FCN1: variants seen among roughly 807,000 people sequenced by gnomAD.
FCN1 encodes ficolin 1.
Under a neutral mutation model 35.6 loss-of-function variants are expected in FCN1, and 42 were observed. The ratio of observed to expected loss-of-function variants is 1.18; its 90% CI spans 0.92 to 1.53. The LOEUF is 1.53. FCN1 is among the 40% of genes most tolerant of loss of function. The pLI is 0.00. For synonymous variants in FCN1, 179 were observed against 169.8 expected (o/e 1.05, Z -0.42); for missense variants, 439 against 428.4 (o/e 1.02, Z -0.22).
At chr9:134,916,619 C>A (rs1236749224) in intron 1 of FCN1, among the ~76,000 whole-genome samples, 158 bp from the exon 2 acceptor site, 1 of 152,220 alleles carries the variant, frequency 6.6e-6, no homozygotes, top group Non-Finnish European at 1.5e-5. Flanking sequence ...GAGGCCACCC[C>A]GACCTAGGGG....
chr9:134,917,422 A>AT (rs761610675), intron 1 of FCN1, among the ~76,000 whole-genome samples: 3 of 152,160 alleles, frequency 2.0e-5, no homozygotes, highest in Admixed American at 6.5e-5. Flanking sequence ...CAGCCACCGT[A>AT]TTAGAGGGTC....
intron 8 of FCN1, 72 bp from the exon 9 acceptor site, chr9:134,910,117 TGC>T: frequency 7.2e-7 from 1 of 1,398,402 alleles, no homozygotes; most frequent in South Asian, 1.2e-5. Context: ...CACCACATCC[TGC>T]CTCTGAGCAG....
At position 134,913,604 on chromosome 9, in the gene FCN1, C is replaced by A; in HGVS notation, c.317G>T (p.Gly106Val). 6.2e-7 allele frequency: 1 copy of A among 1,606,798 alleles called. No individual in the cohort carries two copies. The highest frequency in any genetic ancestry group is 8.5e-7 in the Non-Finnish European group (1 of 1,175,758). Residue 106 changes from glycine to valine, a missense_variant, in exon 5 of 9, where the codon GGG becomes GTG. By Grantham distance (109) the Gly-to-Val change is moderately radical (BLOSUM62 -3). Coordinates refer to ENST00000371806, the MANE Select transcript of FCN1 (RefSeq NM_002003.5). Reference protein sequence around the residue: ...KGMRGEKGDAGQSQSCATGPR... With the variant: ...KGMRGEKGDAVQSQSCATGPR... ...ACCTGTCGCACACGACTGAGACTGC[C>A]CAGCGTCTCCTGTGTGGGGAGAGGA...
intron 6 of FCN1, 135 bp downstream of exon 6, chr9:134,912,881 G>A (rs1284414125): frequency 5.6e-6 from 8 of 1,425,332 alleles, no homozygotes; most frequent in African/African-American, 1.4e-5. Context: ...TTTTACCCAC[G>A]GGTCACTTCC....
rs1232451523 is a variant in FCN1, at chr9:134,911,232, C to T, written c.634G>A (p.Glu212Lys). The part of the protein sequence containing the change: ...SELRVDLVDF[E>K]GNHQFAKYKS... ...TACTTAGCAAACTGGTGGTTGCCCT[C>T]AAAGTCCACCAGGTCTACACGGAGC... Residue 212 changes from glutamate (E) to lysine (K), a missense_variant, in exon 8 of 9, where the codon GAG (glutamate) becomes AAG (lysine). Coordinates refer to ENST00000371806, the MANE Select transcript of FCN1 (RefSeq NM_002003.5). 2 of 1,612,200 alleles carry T rather than the reference C, an allele frequency of 1.2e-6. No individual in the cohort carries two copies. The highest frequency in any genetic ancestry group is 1.7e-6 in the Non-Finnish European group (2 of 1,179,376).
Position 134,909,435 on chromosome 9 carries a change from C to G in FCN1, c.*363G>C. On this transcript the variant is annotated 3_prime_UTR_variant, in exon 9 of 9. Transcript: ENST00000371806. ...AAAATCCTCGCAAAAGTCACTCAAC[C>G]TCCCTGAACATCGGTAGTGCCATCT... is the stretch of plus-strand genomic sequence containing the variant. 7.7e-7 allele frequency: 1 copy of G among 1,291,566 alleles called. No individual in the cohort carries two copies. Among genetic ancestry groups the G allele is most frequent in the Non-Finnish European group, 1.0e-6 (1 of 989,058 alleles). 80.0% of individuals were successfully genotyped at this position (1,291,566 alleles called of 1,614,324 possible).
intron 4 of FCN1, 45 bp downstream of exon 4, chr9:134,914,340 G>T: frequency 6.3e-7 from 1 of 1,592,472 alleles, no homozygotes; most frequent in Non-Finnish European, 8.6e-7. Context: ...CCCTCCCCTG[G>T]ACAAAGCCTG....
intron 1 of FCN1, 109 bp from the exon 2 acceptor site, chr9:134,916,570 T>G (rs1831095310): frequency 8.7e-7 from 1 of 1,145,060 alleles, no homozygotes; most frequent in East Asian, 2.4e-5. Context: ...CAGGCACTGG[T>G]GAGGCGGAGA....
At position 134,909,980 on chromosome 9, in the gene FCN1, A is replaced by C; in HGVS notation, c.799T>G (p.Ser267Ala). The C allele has an allele frequency of 6.2e-7, 1 of 1,614,154 alleles. No individual in the cohort carries two copies. Among genetic ancestry groups the C allele is most frequent in the Non-Finnish European group, 8.5e-7 (1 of 1,180,020 alleles). ...TGGAACTTCTCAGCACAATTCGAAG[A>C]ACTCACATCATTGTCTTGGTCTTTG... ...STKDQDNDVS[S>A]SNCAEKFQGA... Residue 267 changes from serine (S) to alanine (A), a missense_variant, in exon 9 of 9, where the codon TCT becomes GCT. Physicochemically the swap from Ser to Ala is moderately conservative, Grantham distance 99 (BLOSUM62 1). Transcript: ENST00000371806.
rs751147344 is a variant in FCN1 at position 134,911,163 on chromosome 9, C to A, written c.703G>T (p.Val235Leu). 6.2e-7 allele frequency: 1 copy of A among 1,614,146 alleles called. No individual in the cohort carries two copies. The highest frequency in any genetic ancestry group is 8.5e-7 in the Non-Finnish European group (1 of 1,180,018). The change falls in exon 8 of 9, where the codon GTA becomes TTA. Residue 235 changes from valine to leucine, a missense_variant. By Grantham distance (32) the Val-to-Leu change is conservative. Coordinates refer to ENST00000371806, the MANE Select transcript of FCN1 (RefSeq NM_002003.5). ...VADEAEKYKL[V>L]LGAFVGGSAG... Reference sequence around the variant, plus strand: ...CTGCCCCCGACAAAGGCTCCCAGTACCAGCTTGTACTTCTCTGCCTCGTCA... The same window carrying A: ...CTGCCCCCGACAAAGGCTCCCAGTAACAGCTTGTACTTCTCTGCCTCGTCA...
rs1830971672 is a variant in FCN1 at position 134,907,713 on chromosome 9, C to G, written c.*2085G>C. 2 of 152,274 alleles carry G rather than the reference C, an allele frequency of 1.3e-5. No individual in the cohort carries two copies. The allele number at this position is 152,274 out of a possible 1,614,324, so 9.4% of individuals were successfully genotyped here. A position where few individuals can be genotyped will look rare whatever the true frequency, so the allele number is the denominator to read the frequency against. On this transcript the variant is annotated 3_prime_UTR_variant, in exon 9 of 9. Transcript: ENST00000371806. Reference sequence around the variant, plus strand: ...CAATGGAATCCATAGCACATACCCTCTTGAACAGGCTCCTTTTGCTGCCAT... The same window carrying G: ...CAATGGAATCCATAGCACATACCCTGTTGAACAGGCTCCTTTTGCTGCCAT...
chr9:134,915,213 G>T (rs77198013), intron 2 of FCN1, among the ~76,000 whole-genome samples: 8,231 of 152,224 alleles, frequency 0.054, 262 homozygotes, highest in South Asian at 0.12. Context: ...CACGGAGAGG[G>T]TGGGCGCCAC....
At chr9:134,910,117 T>C in intron 8 of FCN1, 72 bp from the exon 9 acceptor site, 2 of 1,398,400 alleles carry the variant, frequency 1.4e-6, no homozygotes, top group Non-Finnish European at 2.0e-6. Context: ...CACCACATCC[T>C]GCCTCTGAGC....
chr9:134,908,940 G>GA lies in FCN1; in HGVS notation c.*857dup. 3.7e-6 allele frequency: 1 copy of GA among 269,426 alleles called. No individual in the cohort carries two copies. Among genetic ancestry groups the GA allele is most frequent in the Non-Finnish European group, 7.3e-6 (1 of 136,610 alleles). 16.7% of individuals were successfully genotyped at this position (269,426 alleles called of 1,614,324 possible). ...TCCCTTAGTGTCCTTCGGTAAGTGG[G>GA]AGCTCTTGATTTGAATGGAGTCACA... On this transcript the variant is annotated 3_prime_UTR_variant, in exon 9 of 9. Coordinates refer to ENST00000371806, the MANE Select transcript of FCN1 (RefSeq NM_002003.5).
intron 3 of FCN1, among the ~76,000 whole-genome samples, 164 bp downstream of exon 3, chr9:134,914,592 T>C (rs1267394806): frequency 6.6e-6 from 1 of 152,092 alleles, no homozygotes; most frequent in Non-Finnish European, 1.5e-5. Flanking sequence ...AGGCCTGGAA[T>C]ATCCCAGGGT....
intron 8 of FCN1, 103 bp from the exon 9 acceptor site, chr9:134,910,148 G>A (rs983012563): frequency 3.6e-6 from 4 of 1,097,000 alleles, no homozygotes; most frequent in Middle Eastern, 2.0e-4. Context: ...TCACTTTAGC[G>A]ACGCATGAGC....
At position 134,913,086 on chromosome 9, in the gene FCN1, G is replaced by A. The variant is rs1831045633; in HGVS notation, c.398C>T (p.Thr133Ile). Residue 133 changes from threonine to isoleucine, a missense_variant, in exon 6 of 9, where the codon ACC (threonine) becomes ATC (isoleucine). Thr to Ile is a moderately conservative substitution (Grantham distance 89). Coordinates refer to ENST00000371806, the MANE Select transcript of FCN1 (RefSeq NM_002003.5). Reference sequence around the variant, plus strand: ...GGGCCGGCAGTCGGGCAGGTAGATGGTGTGCCAGCCGCTCAGGAAATACCC... The same window carrying A: ...GGGCCGGCAGTCGGGCAGGTAGATGATGTGCCAGCCGCTCAGGAAATACCC... ...DRGYFLSGWH[T>I]IYLPDCRPLT... The A allele has an allele frequency of 1.2e-6, 2 of 1,613,636 alleles. No individual in the cohort carries two copies. The highest frequency in any genetic ancestry group is 1.1e-5 in the South Asian group (1 of 90,994).
At chr9:134,911,398 G>A (rs1345157385) in intron 7 of FCN1, 131 bp from the exon 8 acceptor site, 1 of 752,714 alleles carries the variant, frequency 1.3e-6, no homozygotes, top group African/African-American at 1.8e-5. Flanking sequence ...AGGCTGGAGT[G>A]CAATGGCACC....
Position 134,913,124 on chromosome 9 carries a change from G to T in FCN1, c.360C>A (p.Asp120Glu). 6.2e-7 allele frequency: 1 copy of T among 1,613,936 alleles called. No homozygotes were observed. Among genetic ancestry groups the T allele is most frequent in the African/African-American group, 1.3e-5 (1 of 75,056 alleles). ...SCATGPRNCK[D>E]LLDRGYFLSG... The stretch of plus-strand genomic sequence containing the variant: ...TCAGGAAATACCCCCGGTCTAGCAG[G>T]TCCTTGCAGTTGCGTGGGCCTGGGA... Residue 120 changes from aspartate (D) to glutamate (E), a missense_variant, in exon 6 of 9, where the codon GAC (aspartate) becomes GAA (glutamate). Coordinates refer to ENST00000371806, the MANE Select transcript of FCN1 (RefSeq NM_002003.5).
Sources: allele counts gnomAD v4.1 joint callset (sites outside exome capture counted in the v4.1 genomes callset), GRCh38; gene constraint gnomAD v4.1.1; transcripts MANE v1.5; gene names NCBI Gene and HGNC (gene_info 2026-07-23, HGNC 2026-07-21).